Variants in FAM3D observed in about 807,000 individuals in gnomAD.
FAM3D encodes the protein FAM3 metabolism regulating signaling molecule D.
A neutral mutation model predicts 29.8 loss-of-function variants in FAM3D; 26 were observed. The observed-to-expected ratio is 0.87, with a 90% confidence interval of 0.64 to 1.21. FAM3D has a LOEUF of 1.21. FAM3D is among the 50% of genes most tolerant of loss of function. The probability of loss-of-function intolerance (pLI) is 0.00; values close to 1 mark genes in which losing one functional copy is unlikely to be tolerated. For synonymous variants in FAM3D, 115 were observed against 102.3 expected, an observed-to-expected ratio of 1.12 and a Z score of -0.75; for missense variants, 253 against 290.9, an observed-to-expected ratio of 0.87 and a Z score of 0.95.
Position 58,645,603 on chromosome 3 carries a change from G to A in FAM3D, c.169C>T (p.Leu57Phe), listed in dbSNP as rs770054191. The A allele has an allele frequency of 1.2e-6, 2 of 1,614,190 alleles. No homozygotes were observed. The highest frequency in any genetic ancestry group is 8.5e-7 in the Non-Finnish European group (1 of 1,180,026). ...EIQVKKYKCG[L>F]IKPCPANYFA... ...TAGTTGGCTGGGCAGGGCTTGATGAGGCCACACTTGTACTTTTTAACCTCT... is the reference window on the plus strand; with the variant it reads ...TAGTTGGCTGGGCAGGGCTTGATGAAGCCACACTTGTACTTTTTAACCTCT... Residue 57 changes from leucine (L) to phenylalanine (F), a missense_variant, in exon 5 of 10, where the codon CTC (leucine) becomes TTC (phenylalanine). Leu to Phe is a conservative substitution (Grantham distance 22, BLOSUM62 0). Transcript: ENST00000358781.
chr3:58,639,275 C>G (rs1042915327), intron 7 of FAM3D, among the ~76,000 whole-genome samples: 1 of 152,164 alleles, frequency 6.6e-6, no homozygotes, highest in Admixed American at 6.5e-5. Flanking sequence ...GGCTGGATAC[C>G]CTTCCACCAA....
Position 58,638,311 on chromosome 3 carries a change from T to G in FAM3D, c.374-1086A>C, listed in dbSNP as rs1192098646. 2.0e-5 allele frequency among the ~76,000 whole-genome samples: 3 copies of G among 152,224 alleles called. 1 individual carries two copies. The highest frequency in any genetic ancestry group is 1.5e-5 in the Non-Finnish European group (1 of 68,042). ...TAGGTAAGAAAAAAAGTGATCCAAT[T>G]TAAAGAAAAATACTAATAATGCAGA... On this transcript the variant is annotated intron_variant, in intron 7 of 9. Transcript: ENST00000358781.
Position 58,634,973 on chromosome 3 carries a change from C to T in FAM3D, c.586-605G>A, listed in dbSNP as rs2066120653. ...GGAGGGTCACTTGAGGCCAGGAGTT[C>T]AAGACCAGCCTGGGCAACATGGGAG... On this transcript the variant is annotated intron_variant, in intron 9 of 9. Transcript: ENST00000358781. This position sits in a 1 kb window ranked among gnomAD's most constrained non-coding sequence, Gnocchi z 4.6. 6.6e-6 allele frequency among the ~76,000 whole-genome samples: 1 copy of T among 152,074 alleles called. No individual in the cohort carries two copies. Among genetic ancestry groups the T allele is most frequent in the South Asian group, 2.1e-4 (1 of 4,818 alleles).
intron 1 of FAM3D, among the ~76,000 whole-genome samples, chr3:58,661,849 G>A (rs1340532105): frequency 3.9e-5 from 6 of 152,260 alleles, no homozygotes; most frequent in South Asian, 4.1e-4. Context: ...GATGCTCCTC[G>A]CACCCTCCAT....
intron 3 of FAM3D, 86 bp downstream of exon 3, chr3:58,653,588 G>C: frequency 7.9e-7 from 1 of 1,271,842 alleles, no homozygotes; most frequent in South Asian, 1.2e-5. Context: ...ATGTCTCCTG[G>C]GTCACCTAGG....
At chr3:58,656,121 G>A (rs62250348) in intron 1 of FAM3D, among the ~76,000 whole-genome samples, 9,086 of 152,184 alleles carry the variant, frequency 0.06, 290 homozygotes, top group Middle Eastern at 0.1. Context: ...GGGAGGTTGA[G>A]CTAGCTAGCT....
intron 1 of FAM3D, chr3:58,657,389 G>GAT (rs1209298660): frequency 2.6e-5 from 4 of 151,986 alleles, no homozygotes; most frequent in African/African-American, 9.7e-5. Flanking sequence ...GGGGAAGAGA[G>GAT]AGAGAGAGAG....
intron 5 of FAM3D, among the ~76,000 whole-genome samples, chr3:58,644,605 G>T (rs2066425467): frequency 6.6e-6 from 1 of 152,222 alleles, no homozygotes; most frequent in Non-Finnish European, 1.5e-5. Flanking sequence ...GCTGGGCTAG[G>T]CTTGGTCATG....
At chr3:58,656,365 G>C (rs1443523019) in intron 1 of FAM3D, among the ~76,000 whole-genome samples, 2 of 152,160 alleles carry the variant, frequency 1.3e-5, no homozygotes, top group Non-Finnish European at 2.9e-5. Context: ...GCAGGTTTCT[G>C]GCTGCTGAAC....
chr3:58,639,135 C>T (rs374499219), intron 7 of FAM3D, among the ~76,000 whole-genome samples: 153 of 151,764 alleles, frequency 1.0e-3, no homozygotes, highest in African/African-American at 3.6e-3. Context: ...CGCTTTTTTT[C>T]CTTTTCATTC....
rs141242450 is a variant in FAM3D, at chr3:58,635,806, C to A, written c.585+488G>T. On this transcript the variant is annotated intron_variant, in intron 9 of 9. Coordinates refer to ENST00000358781, the MANE Select transcript of FAM3D (RefSeq NM_138805.3). The surrounding 1 kb of genome is among the most constrained non-coding windows in gnomAD (Gnocchi z 5.2). ...GGTGCCCTTCCTAGAGCTCAGCACA[C>A]GGTTCCCTGCACCTGCCCCCTCCAG... is the stretch of plus-strand genomic sequence containing the variant. 6.6e-6 allele frequency among the ~76,000 whole-genome samples: 1 copy of A among 152,172 alleles called. No individual in the cohort carries two copies. Among genetic ancestry groups the A allele is most frequent in the African/African-American group, 2.4e-5 (1 of 41,428 alleles).
intron 5 of FAM3D, 58 bp from the exon 6 acceptor site, chr3:58,643,778 G>T: frequency 6.5e-7 from 1 of 1,532,366 alleles, no homozygotes; most frequent in Non-Finnish European, 9.0e-7. Flanking sequence ...TGAACACTCT[G>T]CTCTCCCAGC....
Position 58,634,227 on chromosome 3 carries a change from A to C in FAM3D, c.*52T>G. On this transcript the variant is annotated 3_prime_UTR_variant, in exon 10 of 10. Coordinates refer to ENST00000358781, the MANE Select transcript of FAM3D (RefSeq NM_138805.3). This position sits in a 1 kb window ranked among gnomAD's most constrained non-coding sequence, Gnocchi z 4.6. ...AGCCCCTGCCGGGCTCTGACTCCTA[A>C]GTCAGGCAGGAGCTTCTTCAGGCCC... is the stretch of plus-strand genomic sequence containing the variant. 3 of 1,568,892 alleles carry C rather than the reference A, an allele frequency of 1.9e-6. No homozygotes were observed. The highest frequency in any genetic ancestry group is 2.6e-6 in the Non-Finnish European group (3 of 1,146,852).
At chr3:58,647,889 G>T (rs1025025485) in intron 4 of FAM3D, among the ~76,000 whole-genome samples, 1 of 152,230 alleles carries the variant, frequency 6.6e-6, no homozygotes, top group Non-Finnish European at 1.5e-5. Context: ...TCTGTGGCTT[G>T]CCAGAAATTG....
At chr3:58,647,440 A>C (rs1205978809) in intron 4 of FAM3D, among the ~76,000 whole-genome samples, 1 of 152,192 alleles carries the variant, frequency 6.6e-6, no homozygotes, top group Non-Finnish European at 1.5e-5. Context: ...GGTCTCCTAC[A>C]GCCTTGGGGC....
rs181000638 is a variant in FAM3D at position 58,642,375 on chromosome 3, G to A, written c.322+1287C>T. Among the ~76,000 whole-genome samples, 11 of 152,298 alleles carry A rather than the reference G, an allele frequency of 7.2e-5. No homozygotes were observed. The East Asian group carries it at 1.5e-3, about 21-fold the overall frequency. On this transcript the variant is annotated intron_variant, in intron 6 of 9. Coordinates refer to ENST00000358781, the MANE Select transcript of FAM3D (RefSeq NM_138805.3). ...GCAGGGGCTTGGAGCTGGCAAGGCC[G>A]GGGCTCCCATCCTACCCTGTTCCTT...
At position 58,634,257 on chromosome 3, in the gene FAM3D, C is replaced by G. The variant is rs2066096678; in HGVS notation, c.*22G>C. 1 of 1,611,338 alleles carries G rather than the reference C, an allele frequency of 6.2e-7. No individual in the cohort carries two copies. ...GGCAGGAGCTTCTTCAGGCCCCTGG[C>G]TGAGGAAGAGCCACAGCCACCCTAA... On this transcript the variant is annotated 3_prime_UTR_variant, in exon 10 of 10. Coordinates refer to ENST00000358781, the MANE Select transcript of FAM3D (RefSeq NM_138805.3). The surrounding 1 kb of genome is among the most constrained non-coding windows in gnomAD (Gnocchi z 4.6).
chr3:58,642,659 C>T (rs1438821959), intron 6 of FAM3D, among the ~76,000 whole-genome samples: 2 of 152,176 alleles, frequency 1.3e-5, no homozygotes, highest in African/African-American at 4.8e-5. Context: ...GGCCCTCTGG[C>T]CTCCTGTTTA....
At position 58,635,935 on chromosome 3, in the gene FAM3D, T is replaced by G. The variant is rs185801165; in HGVS notation, c.585+359A>C. 4.6e-5 allele frequency among the ~76,000 whole-genome samples: 7 copies of G among 152,356 alleles called. No individual in the cohort carries two copies. Among genetic ancestry groups the G allele is most frequent in the Non-Finnish European group, 4.4e-5 (3 of 68,044 alleles). ...GAGGCTGAAGGGATGGGGACAGGCA[T>G]CCTGCTCCTTTCCCCGGGATCCCCT... On this transcript the variant is annotated intron_variant, in intron 9 of 9. Transcript: ENST00000358781. This position sits in a 1 kb window ranked among gnomAD's most constrained non-coding sequence, Gnocchi z 5.2.
Sources: gnomAD v4.1 joint callset for allele counts (sites outside exome capture counted in the v4.1 genomes callset) on GRCh38, gnomAD v4.1.1 for gene constraint, Gnocchi (gnomAD v3.1) non-coding constraint, MANE v1.5 for transcripts, NCBI Gene and HGNC (gene_info 2026-07-23, HGNC 2026-07-21) for gene names.